EPHB1: variants seen among roughly 807,000 people sequenced by gnomAD.
EPHB1 encodes ephrin type-B receptor 1.
Under a neutral mutation model 94.4 loss-of-function variants are expected in EPHB1, and 30 were observed. The ratio of observed to expected loss-of-function variants is 0.32; its 90% CI spans 0.24 to 0.43. The LOEUF is 0.43. Ranked by LOEUF, EPHB1 falls within the 20% of genes least tolerant of loss-of-function variation. EPHB1 has a pLI of 1.00. For missense variants in EPHB1, 1,055 were observed against 1,308.3 expected (o/e 0.81, Z 2.99); for synonymous variants, 522 against 489.1 (o/e 1.07, Z -0.89).
chr3:135,217,179 A>G (rs1943167097), intron 12 of EPHB1, among the ~76,000 whole-genome samples: 1 of 152,030 alleles, frequency 6.6e-6, no homozygotes, highest in Admixed American at 6.6e-5. Flanking sequence ...CTTGGCTTTG[A>G]CACAGCCAAG....
At chr3:135,104,200 G>A (rs1366126301) in intron 3 of EPHB1, among the ~76,000 whole-genome samples, 1 of 152,194 alleles carries the variant, frequency 6.6e-6, no homozygotes, top group East Asian at 1.9e-4. Flanking sequence ...ACTGAATGGG[G>A]CCAGGAAGGC....
At chr3:135,081,152 TCTC>T (rs1938150257) in intron 3 of EPHB1, among the ~76,000 whole-genome samples, 1 of 152,140 alleles carries the variant, frequency 6.6e-6, no homozygotes. Flanking sequence ...TACCTTACCT[TCTC>T]CTCTATCATC....
intron 3 of EPHB1, among the ~76,000 whole-genome samples, chr3:135,097,051 A>G (rs959832684): frequency 1.5e-4 from 22 of 147,380 alleles, no homozygotes; most frequent in Non-Finnish European, 2.8e-4. Context: ...AGCTGAGATC[A>G]TGCCACTGCA....
intron 3 of EPHB1, among the ~76,000 whole-genome samples, chr3:135,015,462 G>A (rs1244790860): frequency 6.6e-6 from 1 of 152,072 alleles, no homozygotes; most frequent in Admixed American, 6.5e-5. Context: ...GGCTGGTCTC[G>A]AACTCCTGAC....
intron 5 of EPHB1, among the ~76,000 whole-genome samples, chr3:135,145,170 A>G (rs1015149789): frequency 3.9e-5 from 6 of 152,180 alleles, no homozygotes; most frequent in African/African-American, 1.4e-4. Context: ...TCTAAGCAGG[A>G]CCTTTTCAGC....
intron 3 of EPHB1, among the ~76,000 whole-genome samples, chr3:134,982,699 A>G (rs1424659405): frequency 1.3e-5 from 2 of 152,212 alleles, no homozygotes; most frequent in Non-Finnish European, 2.9e-5. Context: ...ACAAGTCAGT[A>G]TCACAGCTCG....
At chr3:135,178,204 A>C (rs1942040158) in intron 9 of EPHB1, among the ~76,000 whole-genome samples, 1 of 131,714 alleles carries the variant, frequency 7.6e-6, no homozygotes. Flanking sequence ...CTGTAATCCC[A>C]GCACTTTGGG....
intron 1 of EPHB1, among the ~76,000 whole-genome samples, chr3:134,885,711 G>T (rs1280330380): frequency 6.6e-6 from 1 of 152,194 alleles, no homozygotes; most frequent in Non-Finnish European, 1.5e-5. Flanking sequence ...AGAACCCAGG[G>T]GGCTTAGTTA....
intron 5 of EPHB1, among the ~76,000 whole-genome samples, chr3:135,144,056 G>A (rs1243078912): frequency 6.6e-6 from 1 of 152,140 alleles, no homozygotes; most frequent in African/African-American, 2.4e-5. Context: ...CCATCCATTA[G>A]TGATGCTGAT....
At chr3:134,812,481 T>C (rs1393873783) in intron 1 of EPHB1, among the ~76,000 whole-genome samples, 2 of 152,262 alleles carry the variant, frequency 1.3e-5, no homozygotes, top group African/African-American at 4.8e-5. Flanking sequence ...TTCCATTGCA[T>C]AGATATCTCA....
chr3:135,050,910 CTTTG>C (rs1937150362), intron 3 of EPHB1, among the ~76,000 whole-genome samples: 1 of 112,870 alleles, frequency 8.9e-6, no homozygotes, highest in African/African-American at 4.2e-5. Context: ...ACTAAACACC[CTTTG>C]TGTGTGTGTG....
intron 1 of EPHB1, among the ~76,000 whole-genome samples, chr3:134,843,686 T>C (rs996576203): frequency 2.3e-4 from 35 of 152,170 alleles, no homozygotes; most frequent in African/African-American, 8.2e-4. Flanking sequence ...TAGTGATTTT[T>C]TTATTTCAGT....
chr3:134,908,220 C>G (rs150986126), intron 1 of EPHB1, among the ~76,000 whole-genome samples: 1 of 152,230 alleles, frequency 6.6e-6, no homozygotes, highest in African/African-American at 2.4e-5. Flanking sequence ...GGGCCTTCTG[C>G]GTATGCATCT....
At chr3:134,996,451 G>T (rs1337706349) in intron 3 of EPHB1, among the ~76,000 whole-genome samples, 1 of 152,180 alleles carries the variant, frequency 6.6e-6, no homozygotes, top group Non-Finnish European at 1.5e-5. Flanking sequence ...TTCCCAAAGT[G>T]CTGGGATTTA....
At chr3:134,909,109 T>TGGGTG (rs574576286) in intron 1 of EPHB1, among the ~76,000 whole-genome samples, 2 of 82,552 alleles carry the variant, frequency 2.4e-5, no homozygotes, top group Non-Finnish European at 4.4e-5. Context: ...ACACACAAGG[T>TGGGTG]GGGGGCGGGG....
At chr3:134,976,226 C>T (rs966005392) in intron 3 of EPHB1, among the ~76,000 whole-genome samples, 2 of 152,190 alleles carry the variant, frequency 1.3e-5, no homozygotes, top group South Asian at 4.1e-4. Flanking sequence ...TAGGGAGGAG[C>T]AGGCACAGAT....
chr3:135,174,436 G>T (rs1941915151), intron 9 of EPHB1, among the ~76,000 whole-genome samples: 1 of 152,148 alleles, frequency 6.6e-6, no homozygotes, highest in Non-Finnish European at 1.5e-5. Context: ...GCTGAGTTCT[G>T]ATGTTTTCAG....
chr3:134,986,976 A>G (rs186593361), intron 3 of EPHB1, among the ~76,000 whole-genome samples: 27 of 152,252 alleles, frequency 1.8e-4, no homozygotes, highest in Non-Finnish European at 2.9e-4. Context: ...AGATCTGAGT[A>G]TGAAAACAAC....
intron 10 of EPHB1, among the ~76,000 whole-genome samples, chr3:135,183,026 T>TTTTCTTTTCTTTTCTTTTCTTTTCTTTTC (rs1553745483): frequency 5.4e-4 from 51 of 94,600 alleles, no homozygotes; most frequent in Middle Eastern, 6.2e-3. Context: ...TTTTCTTTTC[T>TTTTCTTTTCTTTTCTTTTCTTTTCTTTTC]TTTCTTTCTT....
Sources: allele counts gnomAD v4.1 joint callset (sites outside exome capture counted in the v4.1 genomes callset), GRCh38; gene constraint gnomAD v4.1.1; transcripts MANE v1.5; gene names NCBI Gene and HGNC (gene_info 2026-07-23, HGNC 2026-07-21).